MROH7: variants seen among roughly 807,000 people sequenced by gnomAD.
MROH7 encodes maestro heat-like repeat-containing protein family member 7.
Under a neutral mutation model 129.2 loss-of-function variants are expected in MROH7, and 113 were observed. That is an observed-to-expected ratio of 0.87 (90% CI 0.75 to 1.02). MROH7 has a LOEUF of 1.02. Ranked by LOEUF, MROH7 falls within the 50% of genes least tolerant of loss-of-function variation. The pLI, the probability that MROH7 is intolerant of heterozygous loss-of-function variation, is 0.00. For missense variants in MROH7, 1,601 were observed against 1,671.3 expected, an observed-to-expected ratio of 0.96 and a Z score of 0.73; for synonymous variants, 655 against 667.9, an observed-to-expected ratio of 0.98 and a Z score of 0.30.
rs1330644712 is a variant in MROH7 at position 54,679,271 on chromosome 1, A to G, written c.2058A>G (p.Gly686=). 1.2e-6 allele frequency: 2 copies of G among 1,613,756 alleles called. No homozygotes were observed. The highest frequency in any genetic ancestry group is 1.7e-6 in the Non-Finnish European group (2 of 1,179,944). The change falls in exon 12 of 24, where the codon GGA becomes GGG. Residue 686 remains glycine, a synonymous_variant. Coordinates refer to ENST00000421030, the MANE Select transcript of MROH7 (RefSeq NM_001039464.4). Reference sequence around the variant, plus strand: ...CAGCACCTTTGTTTCAGGAATTTGGAGACTTCCTGGGGCCCCAGCAGATAA... The same window carrying G: ...CAGCACCTTTGTTTCAGGAATTTGGGGACTTCCTGGGGCCCCAGCAGATAA... ...QNILRVIEEF[G]DFLGPQQIKD...
intron 17 of MROH7, among the ~76,000 whole-genome samples, chr1:54,696,150 G>A (rs561289671): frequency 6.6e-6 from 1 of 152,140 alleles, no homozygotes; most frequent in African/African-American, 2.4e-5. Flanking sequence ...ATCTTATGAC[G>A]CAGATACTAT....
intron 3 of MROH7, chr1:54,663,995 TC>T (rs1644774715): frequency 3.1e-6 from 1 of 323,168 alleles, no homozygotes; most frequent in African/African-American, 2.2e-5. Flanking sequence ...AGGAGAAAGA[TC>T]CTCTCTCCTT....
chr1:54,659,558 A>G (rs1265504980), intron 3 of MROH7, among the ~76,000 whole-genome samples: 2 of 152,064 alleles, frequency 1.3e-5, no homozygotes, highest in Non-Finnish European at 2.9e-5. Flanking sequence ...GGTTCAAGCA[A>G]TTCTCCTGCC....
At chr1:54,700,583 C>T in intron 18 of MROH7, 122 bp downstream of exon 18, 1 of 904,568 alleles carries the variant, frequency 1.1e-6, no homozygotes, top group South Asian at 1.9e-5. Context: ...TCTATCTTAG[C>T]CTCAGTTGTC....
intron 21 of MROH7, among the ~76,000 whole-genome samples, chr1:54,704,367 G>A (rs1434831901): frequency 2.6e-5 from 4 of 151,808 alleles, no homozygotes; most frequent in Non-Finnish European, 4.4e-5. Flanking sequence ...AAGAGCTCAA[G>A]CTCACCGTGC....
At chr1:54,672,047 C>A (rs976902695) in intron 7 of MROH7, among the ~76,000 whole-genome samples, 1 of 152,056 alleles carries the variant, frequency 6.6e-6, no homozygotes, top group Non-Finnish European at 1.5e-5. Context: ...CAGAGGATGA[C>A]AAAGTGGCAG....
At chr1:54,668,999 A>G (rs1271248873) in intron 5 of MROH7, 62 bp downstream of exon 5, 2 of 1,286,608 alleles carry the variant, frequency 1.6e-6, no homozygotes, top group Non-Finnish European at 2.2e-6. Context: ...TCCTGAGTCC[A>G]CCCACTGATG....
At position 54,653,396 on chromosome 1, in the gene MROH7, C is replaced by T. The variant is rs1331262608; in HGVS notation, c.470C>T (p.Ser157Leu). Residue 157 changes from serine to leucine, a missense_variant, in exon 3 of 24, where the codon TCA (serine) becomes TTA (leucine). Ser to Leu is a moderately radical substitution (Grantham distance 145). Transcript: ENST00000421030. ...TCTGAAGATGCCTTCAAGTGCCTCT[C>T]AAGTAAGATTTTCAAGTTGGGTCAG... ...SNSEDAFKCL[S>L]SKIFKLGQRN... 6.2e-7 allele frequency: 1 copy of T among 1,614,178 alleles called. No individual in the cohort carries two copies. Among genetic ancestry groups the T allele is most frequent in the Admixed American group, 1.7e-5 (1 of 60,016 alleles).
At position 54,692,469 on chromosome 1, in the gene MROH7, CTCTTATGAGACCACGTT is replaced by C; in HGVS notation, c.2761_2777del (p.Tyr921GlyfsTer108). ...AAACCCTGCTACTGAGGATGGGCTG[CTCTTATGAGACCACGTT>C]TCTGGAGGACCAGGGTGGCTGGGAG... On this transcript the variant is annotated frameshift_variant, in exon 16 of 24. Transcript: ENST00000421030. LOFTEE classifies it high-confidence loss of function. The C allele has an allele frequency of 6.2e-7, 1 of 1,614,136 alleles. No homozygotes were observed. The highest frequency in any genetic ancestry group is 8.5e-7 in the Non-Finnish European group (1 of 1,180,026).
intron 1 of MROH7, among the ~76,000 whole-genome samples, chr1:54,648,376 A>T (rs974022611): frequency 4.3e-4 from 61 of 141,004 alleles, no homozygotes; most frequent in African/African-American, 1.5e-3. Flanking sequence ...TTATTTATTT[A>T]TTTTTTGAGA....
chr1:54,692,769 G>A (rs1645259848), intron 16 of MROH7, among the ~76,000 whole-genome samples: 3 of 152,190 alleles, frequency 2.0e-5, no homozygotes, highest in Admixed American at 2.0e-4. Context: ...AGAGGTTCCT[G>A]GCAATTGTGG....
chr1:54,667,525 G>A (rs144639276), intron 4 of MROH7, among the ~76,000 whole-genome samples: 59 of 151,436 alleles, frequency 3.9e-4, no homozygotes, highest in African/African-American at 1.4e-3. Context: ...GTGTGATCTC[G>A]GCTCACTGCA....
At chr1:54,646,211 A>G (rs1644464751) in intron 1 of MROH7, among the ~76,000 whole-genome samples, 1 of 152,222 alleles carries the variant, frequency 6.6e-6, no homozygotes, top group South Asian at 2.1e-4. Flanking sequence ...TGGAGGGCCC[A>G]GAGATCCAGG....
At chr1:54,654,545 T>A (rs1009577118) in intron 3 of MROH7, among the ~76,000 whole-genome samples, 52 of 152,186 alleles carry the variant, frequency 3.4e-4, no homozygotes, top group Admixed American at 2.0e-4. Context: ...TGGTGGCGCA[T>A]GCCTGTAATC....
chr1:54,700,896 A>T (rs1645424541), intron 18 of MROH7, among the ~76,000 whole-genome samples: 1 of 152,230 alleles, frequency 6.6e-6, no homozygotes, highest in South Asian at 2.1e-4. Context: ...ATCTACCTAG[A>T]GCCAAGGAAG....
In MROH7 at chr1:54,670,913, A is replaced by C. The variant is rs770763162; in HGVS notation, c.1583A>C (p.Lys528Thr). The C allele has an allele frequency of 6.8e-6, 11 of 1,606,680 alleles. No individual in the cohort carries two copies. The South Asian group carries it at 1.1e-4, about 16-fold the overall frequency. The part of the protein sequence containing the change: ...VQAMQEKDEA[K>T]AETIQALYHQ... ...GCGATGCAGGAGAAGGACGAGGCCA[A>C]GGCTGAGACCATCCAGGTGAGGCGG... The change falls in exon 7 of 24, where the codon AAG becomes ACG. Residue 528 changes from lysine (K) to threonine (T), a missense_variant. Physicochemically the swap from Lys to Thr is moderately conservative, Grantham distance 78. Coordinates refer to ENST00000421030, the MANE Select transcript of MROH7 (RefSeq NM_001039464.4).
At chr1:54,663,702 CA>C (rs796285251) in intron 3 of MROH7, 6,666 of 190,946 alleles carry the variant, frequency 0.035, 355 homozygotes, top group African/African-American at 0.18. Flanking sequence ...AAAAAAAAAA[CA>C]AAAAAAAAAC....
intron 3 of MROH7, among the ~76,000 whole-genome samples, chr1:54,660,934 T>C (rs183354144): frequency 6.6e-6 from 1 of 152,266 alleles, no homozygotes; most frequent in East Asian, 1.9e-4. Context: ...TAACTACTGA[T>C]GTTAAGCATC....
intron 1 of MROH7, among the ~76,000 whole-genome samples, chr1:54,649,173 C>A (rs1285131043): frequency 6.6e-6 from 1 of 152,204 alleles, no homozygotes; most frequent in Non-Finnish European, 1.5e-5. Context: ...GATAGTTCCA[C>A]CCCTTGAAGG....
Sources: allele counts gnomAD v4.1 joint callset (sites outside exome capture counted in the v4.1 genomes callset), GRCh38; gene constraint gnomAD v4.1.1; transcripts MANE v1.5; gene names NCBI Gene and HGNC (gene_info 2026-07-23, HGNC 2026-07-21).